XNDC1N: variants seen among roughly 807,000 people sequenced by gnomAD.
XNDC1N encodes the protein XRCC1 N-terminal domain containing 1, N-terminal like.
chr11:71,893,521 G>A, the XNDC1N span: 1 of 805,984 alleles, frequency 1.2e-6, no homozygotes, highest in East Asian at 2.5e-5. Context: ...ACTCTCAGAG[G>A]ATCCAGAACT....
the XNDC1N span, among the ~76,000 whole-genome samples, chr11:71,894,608 C>T: frequency 6.6e-6 from 1 of 152,190 alleles, no homozygotes; most frequent in Admixed American, 6.5e-5. Flanking sequence ...TAGCAGAAAC[C>T]TCATGACTGA....
chr11:71,890,420 C>T, the XNDC1N span, among the ~76,000 whole-genome samples: 1 of 152,124 alleles, frequency 6.6e-6, no homozygotes, highest in Non-Finnish European at 1.5e-5. Flanking sequence ...ATCATCCTCT[C>T]CCTTCTGGAA....
chr11:71,887,705 C>G, the XNDC1N span, among the ~76,000 whole-genome samples: 2 of 152,206 alleles, frequency 1.3e-5, no homozygotes, highest in Admixed American at 1.3e-4. Flanking sequence ...ATGGAACACT[C>G]CCCTCCTGTC....
chr11:71,917,365 C>G, the XNDC1N span: 44 of 611,472 alleles, frequency 7.2e-5, no homozygotes, highest in African/African-American at 7.6e-4. Flanking sequence ...TGGGCCCTAC[C>G]GAACCACAAG....
chr11:71,879,624 A>AATTTACC, the XNDC1N span, among the ~76,000 whole-genome samples: 1 of 152,088 alleles, frequency 6.6e-6, no homozygotes, highest in Non-Finnish European at 1.5e-5. Flanking sequence ...ATTGAGATAA[A>AATTTACC]ATTTACCATA....
At chr11:71,901,838 G>A in the XNDC1N span, among the ~76,000 whole-genome samples, 2 of 152,026 alleles carry the variant, frequency 1.3e-5, no homozygotes, top group African/African-American at 4.8e-5. Context: ...GTGGGTGCCC[G>A]CTGCGTGATC....
the XNDC1N span, among the ~76,000 whole-genome samples, chr11:71,878,854 G>A: frequency 6.6e-6 from 1 of 151,830 alleles, no homozygotes; most frequent in African/African-American, 2.4e-5. Flanking sequence ...CAAAAAATTA[G>A]TCAGGTATAG....
the XNDC1N span, among the ~76,000 whole-genome samples, chr11:71,912,967 G>A: frequency 0.032 from 4,878 of 152,188 alleles, 76 homozygotes; most frequent in East Asian, 0.076. Flanking sequence ...GTGATATTGG[G>A]AGTGAAATTT....
At chr11:71,911,786 G>T in the XNDC1N span, among the ~76,000 whole-genome samples, 2 of 152,212 alleles carry the variant, frequency 1.3e-5, no homozygotes, top group Non-Finnish European at 2.9e-5. Flanking sequence ...GTTATGCATT[G>T]CAGGGGACAC....
At chr11:71,909,587 TAGTC>T in the XNDC1N span, among the ~76,000 whole-genome samples, 1 of 152,156 alleles carries the variant, frequency 6.6e-6, no homozygotes. Context: ...GTCAGAATGA[TAGTC>T]AGGGGTGGAG....
the XNDC1N span, chr11:71,917,867 A>G: frequency 3.1e-6 from 2 of 643,870 alleles, no homozygotes; most frequent in African/African-American, 3.6e-5. Flanking sequence ...TCTACTTTAC[A>G]GCTAGCTGAA....
the XNDC1N span, among the ~76,000 whole-genome samples, chr11:71,912,675 G>A: frequency 6.6e-6 from 1 of 152,208 alleles, no homozygotes; most frequent in South Asian, 2.1e-4. Flanking sequence ...TATCGTAGGC[G>A]TGGGGGATGA....
At chr11:71,868,709 A>G in the XNDC1N span, among the ~76,000 whole-genome samples, 1 of 152,092 alleles carries the variant, frequency 6.6e-6, no homozygotes, top group Admixed American at 6.5e-5. Context: ...GCTGCCTTTA[A>G]TACTTTTTCT....
At chr11:71,888,311 G>T in the XNDC1N span, among the ~76,000 whole-genome samples, 1 of 152,202 alleles carries the variant, frequency 6.6e-6, no homozygotes, top group East Asian at 1.9e-4. Context: ...AAGAGCTGAA[G>T]GCAGGTGAGA....
At chr11:71,903,650 CT>C in the XNDC1N span, 232,794 of 346,944 alleles carry the variant, frequency 0.67, 63,138 homozygotes, top group Non-Finnish European at 0.7. Flanking sequence ...TTTTTTTTTT[CT>C]TTTTTTTTTT....
chr11:71,899,708 G>A, the XNDC1N span, among the ~76,000 whole-genome samples: 1 of 152,212 alleles, frequency 6.6e-6, no homozygotes, highest in Non-Finnish European at 1.5e-5. Flanking sequence ...GCCCTTGAAA[G>A]CGGCATATTG....
At chr11:71,882,961 C>T in the XNDC1N span, among the ~76,000 whole-genome samples, 1 of 151,922 alleles carries the variant, frequency 6.6e-6, no homozygotes, top group South Asian at 2.1e-4. Context: ...TAACAGCAAG[C>T]AACTGGAAAG....
At chr11:71,917,997 C>G in the XNDC1N span, among the ~76,000 whole-genome samples, 1 of 152,222 alleles carries the variant, frequency 6.6e-6, no homozygotes, top group East Asian at 1.9e-4. Flanking sequence ...CAGCCAGAAA[C>G]CTTCCCCTGA....
chr11:71,923,355 G>T, the XNDC1N span: 3 of 702,804 alleles, frequency 4.3e-6, no homozygotes, highest in African/African-American at 3.5e-5. Context: ...AGGAGCCATG[G>T]TGGGCCCAGC....
Sources: allele counts gnomAD v4.1 joint callset (sites outside exome capture counted in the v4.1 genomes callset), GRCh38; gene constraint gnomAD v4.1.1; transcripts MANE v1.5; gene names NCBI Gene and HGNC (gene_info 2026-07-23, HGNC 2026-07-21).